ABCA1: variants seen among roughly 807,000 people sequenced by gnomAD.
ABCA1 encodes ATP binding cassette subfamily A member 1, also known as phospholipid-transporting ATPase ABCA1.
Under a neutral mutation model 262.5 loss-of-function variants are expected in ABCA1, and 133 were observed. The ratio of observed to expected loss-of-function variants is 0.51; its 90% CI spans 0.44 to 0.59. The LOEUF is 0.59. Among genes scored for constraint, ABCA1 ranks in the 20% least tolerant of loss-of-function variants. The probability of loss-of-function intolerance (pLI) is 0.00; values close to 1 mark genes in which losing one functional copy is unlikely to be tolerated. For missense variants in ABCA1, 2,452 were observed against 2,777.5 expected (o/e 0.88, Z 2.63); for synonymous variants, 1,022 against 1,043.5 (o/e 0.98, Z 0.40).
At chr9:104,841,838 G>A (rs902488807) in intron 8 of ABCA1, among the ~76,000 whole-genome samples, 2 of 152,208 alleles carry the variant, frequency 1.3e-5, no homozygotes, top group East Asian at 1.9e-4. Context: ...AATGTATTCC[G>A]GCACTTTGTG....
intron 1 of ABCA1, among the ~76,000 whole-genome samples, chr9:104,916,033 G>A (rs1368286853): frequency 6.6e-6 from 1 of 152,136 alleles, no homozygotes; most frequent in South Asian, 2.1e-4. Context: ...GCCATGCTCT[G>A]ATCATGTGAA....
rs768858325 is a variant in ABCA1, at chr9:104,809,511, T to C, written c.4229A>G (p.Lys1410Arg). 1.2e-6 allele frequency: 2 copies of C among 1,614,026 alleles called. No individual in the cohort carries two copies. The highest frequency in any genetic ancestry group is 1.1e-5 in the South Asian group (1 of 91,086). ...ACAGCGGGTCCCGAAGCCAGGGTCT[T>C]TGGTGAGGGCGTTTAAGAGTTCCAG... Reference protein sequence around the residue: ...GTLELLNALTKDPGFGTRCME... With the variant: ...GTLELLNALTRDPGFGTRCME... The change falls in exon 30 of 50, where the codon AAA becomes AGA. Residue 1410 changes from lysine to arginine, a missense_variant. Coordinates refer to ENST00000374736, the MANE Select transcript of ABCA1 (RefSeq NM_005502.4).
intron 25 of ABCA1, among the ~76,000 whole-genome samples, chr9:104,815,067 C>A (rs954981815): frequency 6.6e-6 from 1 of 152,152 alleles, no homozygotes; most frequent in African/African-American, 2.4e-5. Flanking sequence ...TCTGAACCTA[C>A]AGGGAATGAG....
chr9:104,802,235 T>C, intron 33 of ABCA1, 76 bp from the exon 34 acceptor site: 1 of 1,331,230 alleles, frequency 7.5e-7, no homozygotes, highest in Admixed American at 1.7e-5. Context: ...AGTGCGAGTG[T>C]GTACAAGGTT....
chr9:104,901,826 G>A (rs565719612), intron 2 of ABCA1, among the ~76,000 whole-genome samples: 7 of 152,270 alleles, frequency 4.6e-5, no homozygotes, highest in South Asian at 2.1e-4. Flanking sequence ...TGAGTAGCAC[G>A]TTCCCCAGCT....
intron 5 of ABCA1, among the ~76,000 whole-genome samples, chr9:104,879,011 G>T (rs530112519): frequency 2.6e-5 from 4 of 152,034 alleles, no homozygotes; most frequent in African/African-American, 9.7e-5. Flanking sequence ...GGAGGCAGAG[G>T]CTGCAGTGAG....
chr9:104,862,669 C>CGGGCAGGGCA (rs1836653582), intron 5 of ABCA1, among the ~76,000 whole-genome samples: 1 of 9,812 alleles, frequency 1.0e-4, no homozygotes, highest in African/African-American at 3.9e-4. Flanking sequence ...CGGGCCGGGC[C>CGGGCAGGGCA]GGGCCGGGCC....
chr9:104,920,565 G>A (rs983823934), intron 1 of ABCA1, among the ~76,000 whole-genome samples: 4 of 152,176 alleles, frequency 2.6e-5, no homozygotes, highest in African/African-American at 7.2e-5. Context: ...CTCGCTCTGT[G>A]CAGTGGCACC....
At chr9:104,877,275 C>T (rs1157997689) in intron 5 of ABCA1, among the ~76,000 whole-genome samples, 2 of 152,238 alleles carry the variant, frequency 1.3e-5, no homozygotes, top group Non-Finnish European at 2.9e-5. Flanking sequence ...ACTTGACCCT[C>T]ACAATACCCT....
At chr9:104,901,314 G>A (rs892669787) in intron 2 of ABCA1, among the ~76,000 whole-genome samples, 17 of 152,128 alleles carry the variant, frequency 1.1e-4, no homozygotes. Context: ...TTGCTGGCTG[G>A]GTGACCTCAA....
chr9:104,781,561 A>C lies in ABCA1; in HGVS notation c.*2754T>G, dbSNP rs1828546688. On this transcript the variant is annotated 3_prime_UTR_variant, in exon 50 of 50. Coordinates refer to ENST00000374736, the MANE Select transcript of ABCA1 (RefSeq NM_005502.4). ...TTTAGTCAATGATTACTATACAGTG[A>C]ATGAATGATGTGCAACATTTAATAG... is the stretch of plus-strand genomic sequence containing the variant. The C allele has an allele frequency of 1.3e-5, 2 of 152,652 alleles. No homozygotes were observed. The highest frequency in any genetic ancestry group is 4.8e-5 in the African/African-American group (2 of 41,472). The allele number at this position is 152,652 out of a possible 1,614,324, so 9.5% of individuals were successfully genotyped here.
Position 104,903,747 on chromosome 9 carries a change from C to T in ABCA1, c.-68G>A. On this transcript the variant is annotated 5_prime_UTR_variant, in exon 2 of 50. Coordinates refer to ENST00000374736, the MANE Select transcript of ABCA1 (RefSeq NM_005502.4). Reference sequence around the variant, plus strand: ...GGAAGGCAGCGGCCAGAGCTCACAGCAGGGACGCCGTGGCTGGTCATTAAC... The same window carrying T: ...GGAAGGCAGCGGCCAGAGCTCACAGTAGGGACGCCGTGGCTGGTCATTAAC... The T allele has an allele frequency of 1.4e-6, 2 of 1,452,068 alleles. No homozygotes were observed. Among genetic ancestry groups the T allele is most frequent in the South Asian group, 2.4e-5 (2 of 81,742 alleles). 89.9% of individuals were successfully genotyped at this position (1,452,068 alleles called of 1,614,324 possible).
chr9:104,856,338 AC>A (rs1420328517), intron 7 of ABCA1, among the ~76,000 whole-genome samples: 1 of 152,162 alleles, frequency 6.6e-6, no homozygotes, highest in Non-Finnish European at 1.5e-5. Flanking sequence ...TCTCTTGGTA[AC>A]AGCAGAGGGG....
intron 3 of ABCA1, among the ~76,000 whole-genome samples, chr9:104,888,504 A>G (rs1310867387): frequency 6.6e-6 from 1 of 152,206 alleles, no homozygotes. Context: ...GTCCAAGGTC[A>G]TATGCTTAGT....
Position 104,841,056 on chromosome 9 carries a change from C to T in ABCA1, c.814-537G>A, listed in dbSNP as rs538519583. ...GTGTAGAAATTGAACAGCCCTCTTC[C>T]GCCTTGGGAGAAAAGGTACTGTATG... On this transcript the variant is annotated intron_variant, in intron 8 of 49. Coordinates refer to ENST00000374736, the MANE Select transcript of ABCA1 (RefSeq NM_005502.4). Among the ~76,000 whole-genome samples, 183 of 152,276 alleles carry T rather than the reference C, an allele frequency of 1.2e-3. 2 individuals are homozygous for T. Among genetic ancestry groups the T allele is most frequent in the African/African-American group, 4.3e-3 (177 of 41,546 alleles).
chr9:104,781,564 G>A lies in ABCA1; in HGVS notation c.*2751C>T, dbSNP rs987518378. On this transcript the variant is annotated 3_prime_UTR_variant, in exon 50 of 50. Coordinates refer to ENST00000374736, the MANE Select transcript of ABCA1 (RefSeq NM_005502.4). ...AGTCAATGATTACTATACAGTGAATGAATGATGTGCAACATTTAATAGTCA... is the reference window on the plus strand; with the variant it reads ...AGTCAATGATTACTATACAGTGAATAAATGATGTGCAACATTTAATAGTCA... The A allele has an allele frequency of 1.3e-5, 2 of 152,606 alleles. No homozygotes were observed. Among genetic ancestry groups the A allele is most frequent in the African/African-American group, 2.4e-5 (1 of 41,462 alleles). 9.5% of individuals were successfully genotyped at this position (152,606 alleles called of 1,614,324 possible). A position where few individuals can be genotyped will look rare whatever the true frequency, so the allele number is the denominator to read the frequency against.
chr9:104,884,013 T>G (rs1400927450), intron 4 of ABCA1, among the ~76,000 whole-genome samples: 3 of 152,188 alleles, frequency 2.0e-5, no homozygotes, highest in African/African-American at 7.2e-5. Flanking sequence ...GGTGACCTGA[T>G]GCAGAGAAGA....
In ABCA1 at chr9:104,816,234, C is replaced by A. The variant is rs562403512; in HGVS notation, c.3647G>T (p.Gly1216Val). The change falls in exon 25 of 50, where the codon GGA becomes GTA. Residue 1216 changes from glycine (G) to valine (V), a missense_variant. This residue lies in a region of ABCA1 where 665 missense variants were observed against 727.3 expected (regional missense o/e 0.91). Coordinates refer to ENST00000374736, the MANE Select transcript of ABCA1 (RefSeq NM_005502.4). ...YVLPYEAAKEGAFVELFHEID... is the reference protein window; with the variant it reads ...YVLPYEAAKEVAFVELFHEID... The stretch of plus-strand genomic sequence containing the variant: ...CTCATGAAAGAGTTCCACAAAGGCT[C>A]CCTCCTTAGCAGCTTCATATGGCAG... 42 of 1,614,066 alleles carry A rather than the reference C, an allele frequency of 2.6e-5. No individual in the cohort carries two copies. Among genetic ancestry groups the A allele is most frequent in the Non-Finnish European group, 3.0e-5 (35 of 1,180,048 alleles).
chr9:104,893,405 G>A (rs1324827902), intron 2 of ABCA1, among the ~76,000 whole-genome samples: 1 of 98,204 alleles, frequency 1.0e-5, no homozygotes, highest in Non-Finnish European at 1.8e-5. Context: ...CTGGGCAACA[G>A]AGTGAGACTT....
Sources: allele counts gnomAD v4.1 joint callset (sites outside exome capture counted in the v4.1 genomes callset), GRCh38; gene constraint gnomAD v4.1.1; regional missense constraint gnomAD v4.1.1; transcripts MANE v1.5; gene names NCBI Gene and HGNC (gene_info 2026-07-23, HGNC 2026-07-21).